The following MINAR2 variants were observed in gnomAD, a reference collection of about 807,000 sequenced individuals.
MINAR2 encodes membrane integral NOTCH2 associated receptor 2, also known as major intrinsically disordered NOTCH2-binding receptor 1-like.
In MINAR2, 21 loss-of-function variants were observed where a neutral mutation model predicts 16.1. That is an observed-to-expected ratio of 1.31 (90% CI 0.93 to 1.88). MINAR2 has a LOEUF of 1.88. Among genes scored for constraint, MINAR2 ranks in the 40% most tolerant of loss-of-function variants. The pLI is 0.00. For missense variants in MINAR2, 259 were observed against 229.8 expected, an observed-to-expected ratio of 1.13 and a Z score of -0.82; for synonymous variants, 86 against 83.0, an observed-to-expected ratio of 1.04 and a Z score of -0.20.
intron 1 of MINAR2, 88 bp downstream of exon 1, chr5:129,748,443 T>C: frequency 1.5e-6 from 2 of 1,362,566 alleles, no homozygotes; most frequent in Admixed American, 4.6e-5. Flanking sequence ...ACAAGAAGCC[T>C]ATAGGAACAG....
rs150136899 is a variant in MINAR2 at position 129,753,753 on chromosome 5, A to AAGAG, written c.165+5413_165+5416dup. On this transcript the variant is annotated intron_variant, in intron 1 of 2. Coordinates refer to ENST00000564719, the MANE Select transcript of MINAR2 (RefSeq NM_001257308.2). ...GGGCAACAGGGTGGGACTCCGTTGA[A>AAGAG]AGAGAGAGAGAGAGAGAGTGAGAGC... Among the ~76,000 whole-genome samples the AAGAG allele has an allele frequency of 6.6e-4, 98 of 149,184 alleles. 1 individual carries two copies. The East Asian group carries it at 9.1e-3, about 14-fold the overall frequency.
At chr5:129,756,423 C>A (rs973148385) in intron 1 of MINAR2, among the ~76,000 whole-genome samples, 2 of 151,828 alleles carry the variant, frequency 1.3e-5, no homozygotes, top group Non-Finnish European at 2.9e-5. Flanking sequence ...GTGCACCCAT[C>A]ACCCAAGCAG....
chr5:129,763,914 C>CAAA (rs1251633990), intron 2 of MINAR2, among the ~76,000 whole-genome samples: 1 of 152,026 alleles, frequency 6.6e-6, no homozygotes, highest in Non-Finnish European at 1.5e-5. Flanking sequence ...ACTGGAGAGG[C>CAAA]AAAGAGAGGG....
chr5:129,758,010 C>T (rs750032968), intron 1 of MINAR2, among the ~76,000 whole-genome samples: 4 of 151,816 alleles, frequency 2.6e-5, no homozygotes, highest in Non-Finnish European at 5.9e-5. Context: ...TTCAAAAATG[C>T]CTTCTATCTC....
chr5:129,760,583 C>G lies in MINAR2; in HGVS notation c.371C>G (p.Thr124Arg). 2 of 1,535,298 alleles carry G rather than the reference C, an allele frequency of 1.3e-6. No individual in the cohort carries two copies. Among genetic ancestry groups the G allele is most frequent in the Non-Finnish European group, 1.7e-6 (2 of 1,146,290 alleles). The change falls in exon 2 of 3, where the codon ACA becomes AGA. Residue 124 changes from threonine (T) to arginine (R), a missense_variant. Thr to Arg is a moderately conservative substitution (Grantham distance 71). Coordinates refer to ENST00000564719, the MANE Select transcript of MINAR2 (RefSeq NM_001257308.2). ...GAATATGACAAACATTCCCTGCACACAAACCTCTCTGGACATCTGAAGGTA... is the reference window on the plus strand; with the variant it reads ...GAATATGACAAACATTCCCTGCACAGAAACCTCTCTGGACATCTGAAGGTA... ...IEEYDKHSLH[T>R]NLSGHLKENP... is the part of the protein sequence containing the mutation.
At chr5:129,763,560 A>G (rs1248684405) in intron 2 of MINAR2, among the ~76,000 whole-genome samples, 1 of 152,242 alleles carries the variant, frequency 6.6e-6, no homozygotes, top group Non-Finnish European at 1.5e-5. Flanking sequence ...AGTGGAGAAC[A>G]GAGGCATTAA....
chr5:129,758,395 T>C (rs1385318835), intron 1 of MINAR2, among the ~76,000 whole-genome samples: 2 of 152,046 alleles, frequency 1.3e-5, no homozygotes, highest in Non-Finnish European at 2.9e-5. Context: ...TTCCTTCGTC[T>C]GTCTCTCAGA....
At chr5:129,756,355 G>C (rs944298574) in intron 1 of MINAR2, among the ~76,000 whole-genome samples, 6 of 151,344 alleles carry the variant, frequency 4.0e-5, no homozygotes, top group Middle Eastern at 3.4e-3. Context: ...AGTTATTGAG[G>C]TACAGGTGGT....
chr5:129,752,525 G>C (rs940570530), intron 1 of MINAR2, among the ~76,000 whole-genome samples: 6 of 152,120 alleles, frequency 3.9e-5, no homozygotes, highest in African/African-American at 1.4e-4. Flanking sequence ...TGAACAATGA[G>C]AACATGTGGA....
At chr5:129,751,486 C>T (rs1179006038) in intron 1 of MINAR2, among the ~76,000 whole-genome samples, 1 of 152,170 alleles carries the variant, frequency 6.6e-6, no homozygotes, top group Admixed American at 6.6e-5. Flanking sequence ...CAATTATAGG[C>T]ATGAGTCACC....
At chr5:129,749,087 CCTAA>C (rs1397111451) in intron 1 of MINAR2, among the ~76,000 whole-genome samples, 17 of 152,072 alleles carry the variant, frequency 1.1e-4, no homozygotes, top group African/African-American at 4.1e-4. Flanking sequence ...ACATAAAGGC[CCTAA>C]CTGTTGCACA....
rs773404451 is a variant in MINAR2 at position 129,760,555 on chromosome 5, G to A, written c.343G>A (p.Glu115Lys). 6.5e-7 allele frequency: 1 copy of A among 1,535,598 alleles called. No individual in the cohort carries two copies. The highest frequency in any genetic ancestry group is 8.7e-7 in the Non-Finnish European group (1 of 1,146,518). ...AAAAAAGAACCCCTCATGGACCATT[G>A]AGGAATATGACAAACATTCCCTGCA... ...ERKKNPSWTI[E>K]EYDKHSLHTN... The change falls in exon 2 of 3, where the codon GAG (glutamate) becomes AAG (lysine). Residue 115 changes from glutamate (E) to lysine (K), a missense_variant. Transcript: ENST00000564719.
At chr5:129,753,646 C>T (rs996504555) in intron 1 of MINAR2, among the ~76,000 whole-genome samples, 13 of 151,148 alleles carry the variant, frequency 8.6e-5, no homozygotes, top group African/African-American at 1.9e-4. Flanking sequence ...CCAGCTACTC[C>T]GGAGGCTGAG....
rs191190907 is a variant in MINAR2 at position 129,751,992 on chromosome 5, T to A, written c.165+3637T>A. On this transcript the variant is annotated intron_variant, in intron 1 of 2. Coordinates refer to ENST00000564719, the MANE Select transcript of MINAR2 (RefSeq NM_001257308.2). ...AAAAAAGCTCATCATCACTGGTCAT[T>A]AGAGAAATGCAAATCAAAACCACAA... Among the ~76,000 whole-genome samples, 442 of 152,234 alleles carry A rather than the reference T, an allele frequency of 2.9e-3. 2 individuals carry two copies. The highest frequency in any genetic ancestry group is 9.1e-3 in the African/African-American group (377 of 41,550).
rs566469982 is a variant in MINAR2 at position 129,754,200 on chromosome 5, G to C, written c.165+5845G>C. 4.6e-5 allele frequency among the ~76,000 whole-genome samples: 7 copies of C among 152,284 alleles called. No individual in the cohort carries two copies. In the South Asian group the frequency reaches 1.4e-3, roughly 32 times the overall value. ...GGGAAAGGCAGGACATAAGGTTTCA[G>C]AGAAGCCTGAATCACACCATGGAGG... On this transcript the variant is annotated intron_variant, in intron 1 of 2. Coordinates refer to ENST00000564719, the MANE Select transcript of MINAR2 (RefSeq NM_001257308.2).
Position 129,751,843 on chromosome 5 carries a change from G to A in MINAR2, c.165+3488G>A, listed in dbSNP as rs550846783. On this transcript the variant is annotated intron_variant, in intron 1 of 2. Transcript: ENST00000564719. Reference sequence around the variant, plus strand: ...CTTTATAAAACAAGTAATGAAAAAAGGCTGATTTTTTTAAACAAATGTGAT... The same window carrying A: ...CTTTATAAAACAAGTAATGAAAAAAAGCTGATTTTTTTAAACAAATGTGAT... 2.2e-3 allele frequency among the ~76,000 whole-genome samples: 335 copies of A among 152,112 alleles called. 4 individuals carry two copies. Among genetic ancestry groups the A allele is most frequent in the African/African-American group, 7.6e-3 (317 of 41,512 alleles).
In MINAR2 at chr5:129,764,904, GT is replaced by G; in HGVS notation, c.418del (p.Trp140GlyfsTer14). On this transcript the variant is annotated frameshift_variant, in exon 3 of 3. Coordinates refer to ENST00000564719, the MANE Select transcript of MINAR2 (RefSeq NM_001257308.2). LOFTEE classifies it high-confidence loss of function. ...TTTAGGAAAATCCTAATGACCTGCGGTTTTGGTTGGGAGACATGTACACTCC... is the reference window on the plus strand; with the variant it reads ...TTTAGGAAAATCCTAATGACCTGCGGTTTGGTTGGGAGACATGTACACTCC... ...HLKENPNDLRFWLGDMYTPGF... is the reference protein window; with the variant it reads ...HLKENPNDLRXWLGDMYTPGF... 7.5e-7 allele frequency: 1 copy of G among 1,328,552 alleles called. No individual in the cohort carries two copies. The highest frequency in any genetic ancestry group is 2.3e-5 in the South Asian group (1 of 43,424). The allele number at this position is 1,328,552 out of a possible 1,614,324, so 82.3% of individuals were successfully genotyped here. A position where few individuals can be genotyped will look rare whatever the true frequency, so the allele number is the denominator to read the frequency against.
At chr5:129,761,404 C>G (rs1307273951) in intron 2 of MINAR2, among the ~76,000 whole-genome samples, 1 of 152,220 alleles carries the variant, frequency 6.6e-6, no homozygotes, top group East Asian at 1.9e-4. Context: ...AAGCCCCATA[C>G]CTTAAGCACT....
chr5:129,752,698 C>T (rs529429069), intron 1 of MINAR2, among the ~76,000 whole-genome samples: 10 of 152,006 alleles, frequency 6.6e-5, no homozygotes, highest in East Asian at 5.8e-4. Context: ...ATGTAACAAA[C>T]CTGCATGTTC....
Sources: gnomAD v4.1 joint callset for allele counts (sites outside exome capture counted in the v4.1 genomes callset) on GRCh38, gnomAD v4.1.1 for gene constraint, MANE v1.5 for transcripts, NCBI Gene and HGNC (gene_info 2026-07-23, HGNC 2026-07-21) for gene names.